The following ROCK2 variants were observed in gnomAD, a reference collection of about 807,000 sequenced individuals.
ROCK2 encodes the protein Rho associated coiled-coil containing protein kinase 2, also known as rho-associated protein kinase 2.
ROCK2 carries 61 observed loss-of-function variants against 195.1 expected under a neutral mutation model. That is an observed-to-expected ratio of 0.31 (90% CI 0.25 to 0.39). ROCK2 has a LOEUF of 0.39. Among genes scored for constraint, ROCK2 ranks in the 10% least tolerant of loss-of-function variants. The pLI is 1.00. For synonymous variants in ROCK2, 504 were observed against 545.5 expected (o/e 0.92, Z 1.06); for missense variants, 1,109 against 1,637.4 (o/e 0.68, Z 5.57).
At chr2:11,251,856 T>C (rs924366668) in intron 3 of ROCK2, among the ~76,000 whole-genome samples, 1 of 152,018 alleles carries the variant, frequency 6.6e-6, no homozygotes, top group Non-Finnish European at 1.5e-5. Context: ...GGGCAAAGGA[T>C]ATGAACAGAC....
intron 3 of ROCK2, among the ~76,000 whole-genome samples, chr2:11,272,996 C>T (rs996246484): frequency 7.9e-6 from 1 of 126,572 alleles, no homozygotes; most frequent in African/African-American, 3.0e-5. Context: ...ACAAAGAAAA[C>T]AGAATACATA....
At chr2:11,285,263 A>G (rs78351932) in intron 3 of ROCK2, among the ~76,000 whole-genome samples, 1 of 38,558 alleles carries the variant, frequency 2.6e-5, no homozygotes, top group Non-Finnish European at 7.0e-5. Context: ...ACTCTGTCTA[A>G]AAAAAAAAAA....
chr2:11,319,135 G>A (rs1668322369), intron 1 of ROCK2, among the ~76,000 whole-genome samples: 1 of 152,114 alleles, frequency 6.6e-6, no homozygotes, highest in Non-Finnish European at 1.5e-5. Flanking sequence ...TTCCAATTCT[G>A]TGAAGAAAGT....
At chr2:11,325,795 C>T (rs1668532568) in intron 1 of ROCK2, among the ~76,000 whole-genome samples, 2 of 151,910 alleles carry the variant, frequency 1.3e-5, no homozygotes, top group Non-Finnish European at 2.9e-5. Context: ...GGAAAGAACA[C>T]CAGGGAAAAG....
At chr2:11,284,519 C>T (rs941886354) in intron 3 of ROCK2, among the ~76,000 whole-genome samples, 3 of 152,042 alleles carry the variant, frequency 2.0e-5, no homozygotes, top group African/African-American at 4.8e-5. Flanking sequence ...CATCTCTATA[C>T]CTTCCTCTCG....
chr2:11,198,829 A>G, intron 23 of ROCK2, 55 bp from the exon 24 acceptor site: 2 of 1,006,450 alleles, frequency 2.0e-6, no homozygotes, highest in Non-Finnish European at 3.0e-6. Flanking sequence ...AATTTATGTT[A>G]TAAAATGATT....
intron 32 of ROCK2, among the ~76,000 whole-genome samples, chr2:11,186,279 A>G (rs150733866): frequency 1.1e-3 from 164 of 152,242 alleles, no homozygotes; most frequent in African/African-American, 3.7e-3. Context: ...TGCTTGGGAG[A>G]TTGTGATCAG....
intron 3 of ROCK2, among the ~76,000 whole-genome samples, chr2:11,262,048 A>T (rs1666245814): frequency 6.6e-6 from 1 of 152,226 alleles, no homozygotes; most frequent in Admixed American, 6.5e-5. Context: ...ACTCCACCAC[A>T]GACAAATGGA....
At chr2:11,206,163 T>A (rs1664044724) in intron 20 of ROCK2, among the ~76,000 whole-genome samples, 1 of 151,976 alleles carries the variant, frequency 6.6e-6, no homozygotes, top group African/African-American at 2.4e-5. Context: ...TTTTTGCCCT[T>A]CAATTTTAAC....
intron 1 of ROCK2, among the ~76,000 whole-genome samples, chr2:11,328,332 G>C (rs1668610372): frequency 1.3e-5 from 2 of 152,148 alleles, no homozygotes; most frequent in South Asian, 2.1e-4. Context: ...TAATATCAGA[G>C]GGTTGATTTT....
chr2:11,275,962 A>C (rs999943616), intron 3 of ROCK2, among the ~76,000 whole-genome samples: 1 of 152,010 alleles, frequency 6.6e-6, no homozygotes, highest in African/African-American at 2.4e-5. Flanking sequence ...AGCCTCCCAA[A>C]GTGCTGGGAT....
At chr2:11,319,534 T>C (rs1293546627) in intron 1 of ROCK2, among the ~76,000 whole-genome samples, 5 of 152,216 alleles carry the variant, frequency 3.3e-5, no homozygotes, top group Non-Finnish European at 7.3e-5. Flanking sequence ...TAAACAATCA[T>C]GTCATCTGCA....
At position 11,218,988 on chromosome 2, in the gene ROCK2, G is replaced by C. The variant is rs780773039; in HGVS notation, c.1298C>G (p.Ser433Cys). Residue 433 changes from serine (S) to cysteine (C), a missense_variant, in exon 10 of 33, where the codon TCC becomes TGC. Physicochemically the swap from Ser to Cys is moderately radical, Grantham distance 112 (BLOSUM62 -1). Transcript: ENST00000315872. ...SDSPSCRETD[S>C]IQSRKNEESQ... Reference sequence around the variant, plus strand: ...TACTTCATTTTTCCTTGATTGTATGGAATCAGTTTCTCTACAAGATGGAGA... The same window carrying C: ...TACTTCATTTTTCCTTGATTGTATGCAATCAGTTTCTCTACAAGATGGAGA... The C allele has an allele frequency of 5.4e-6, 8 of 1,473,192 alleles. No individual in the cohort carries two copies. Among genetic ancestry groups the C allele is most frequent in the Non-Finnish European group, 7.4e-6 (8 of 1,075,582 alleles). The allele number at this position is 1,473,192 out of a possible 1,614,324, so 91.3% of individuals were successfully genotyped here. A position where few individuals can be genotyped will look rare whatever the true frequency, so the allele number is the denominator to read the frequency against.
At position 11,197,512 on chromosome 2, in the gene ROCK2, A is replaced by G; in HGVS notation, c.3279+14T>C. The G allele has an allele frequency of 2.5e-6, 4 of 1,608,578 alleles. No homozygotes were observed. The highest frequency in any genetic ancestry group is 3.4e-6 in the Non-Finnish European group (4 of 1,177,796). On this transcript the variant is annotated intron_variant, in intron 26 of 32. Coordinates refer to ENST00000315872, the MANE Select transcript of ROCK2 (RefSeq NM_004850.5). The surrounding 1 kb of genome is among the most constrained non-coding windows in gnomAD (Gnocchi z 4.9). ...AAAGAAGTCTTCAGTCTAGAGTCCA[A>G]AAAGTATTCTTACTGCCTGCATTTC...
chr2:11,199,135 G>A (rs895977113), intron 23 of ROCK2, among the ~76,000 whole-genome samples: 1 of 151,592 alleles, frequency 6.6e-6, no homozygotes, highest in African/African-American at 2.4e-5. Flanking sequence ...TCCTGGCCTC[G>A]AGTGATCGCC....
chr2:11,274,767 C>T (rs932222685), intron 3 of ROCK2, among the ~76,000 whole-genome samples: 17 of 152,148 alleles, frequency 1.1e-4, no homozygotes, highest in African/African-American at 4.1e-4. Context: ...ATGAGGCCAG[C>T]ATTACCCTGA....
chr2:11,199,914 C>T (rs892424437), intron 23 of ROCK2, among the ~76,000 whole-genome samples: 4 of 152,138 alleles, frequency 2.6e-5, no homozygotes, highest in Non-Finnish European at 5.9e-5. Context: ...TGTCATACTA[C>T]TTACTGTACT....
chr2:11,316,917 C>G (rs1005472613), intron 1 of ROCK2, among the ~76,000 whole-genome samples: 1 of 130,214 alleles, frequency 7.7e-6, no homozygotes, highest in African/African-American at 2.5e-5. Flanking sequence ...AATGGTTTTC[C>G]TCAGATCCTA....
chr2:11,239,961 C>T (rs1156627060), intron 4 of ROCK2, among the ~76,000 whole-genome samples: 1 of 152,168 alleles, frequency 6.6e-6, no homozygotes, highest in Non-Finnish European at 1.5e-5. Flanking sequence ...AGGATGCACA[C>T]AGGACAAAGT....
Sources: allele counts gnomAD v4.1 joint callset (sites outside exome capture counted in the v4.1 genomes callset), GRCh38; gene constraint gnomAD v4.1.1; non-coding constraint Gnocchi (gnomAD v3.1); transcripts MANE v1.5; gene names NCBI Gene and HGNC (gene_info 2026-07-23, HGNC 2026-07-21).